Variants in ZFHX3 observed in about 807,000 individuals in gnomAD.
ZFHX3 encodes zinc finger homeobox protein 3.
In ZFHX3, 42 loss-of-function variants were observed where a neutral mutation model predicts 279.1. The ratio of observed to expected loss-of-function variants is 0.15; its 90% CI spans 0.12 to 0.19. The LOEUF (loss-of-function observed/expected upper bound fraction) is 0.19. Ranked by LOEUF, ZFHX3 falls within the 10% of genes least tolerant of loss-of-function variation. The probability of loss-of-function intolerance (pLI) is 1.00; values close to 1 mark genes in which losing one functional copy is unlikely to be tolerated. For synonymous variants in ZFHX3, 2,293 were observed against 1,957.8 expected (o/e 1.17, Z -4.52); for missense variants, 4,981 against 4,754.0 (o/e 1.05, Z -1.40).
At chr16:72,925,789 C>T (rs1354126628) in intron 3 of ZFHX3, among the ~76,000 whole-genome samples, 1 of 152,236 alleles carries the variant, frequency 6.6e-6, no homozygotes, top group Non-Finnish European at 1.5e-5. Context: ...CCCAGAGGGG[C>T]TGGAACGGGC....
intron 1 of ZFHX3, among the ~76,000 whole-genome samples, chr16:73,800,409 G>A (rs1331353660): frequency 1.3e-5 from 2 of 151,964 alleles, no homozygotes; most frequent in Non-Finnish European, 2.9e-5. Context: ...TAGAGACGGG[G>A]TTTCACCATA....
At chr16:73,184,675 C>T (rs755900575) in intron 5 of ZFHX3, among the ~76,000 whole-genome samples, 5 of 152,192 alleles carry the variant, frequency 3.3e-5, no homozygotes, top group African/African-American at 2.4e-5. Context: ...GGTCCTAGAA[C>T]ATCCTTGATT....
intron 7 of ZFHX3, among the ~76,000 whole-genome samples, chr16:73,118,094 T>C (rs1966453279): frequency 6.6e-6 from 1 of 152,170 alleles, no homozygotes; most frequent in African/African-American, 2.4e-5. Flanking sequence ...CATGTTCCCA[T>C]TGCCTTCCTC....
chr16:73,730,944 C>T (rs187630607), intron 1 of ZFHX3, among the ~76,000 whole-genome samples: 76 of 152,046 alleles, frequency 5.0e-4, no homozygotes, highest in African/African-American at 1.8e-3. Context: ...TCCATGTCTT[C>T]GAGAGGAAAG....
Position 72,787,026 on chromosome 16 carries a change from TTTTC to T in ZFHX3, c.*134_*137del, listed in dbSNP as rs1434429559. The T allele has an allele frequency of 4.9e-6, 5 of 1,023,648 alleles. No homozygotes were observed. The highest frequency in any genetic ancestry group is 3.8e-5 in the South Asian group (1 of 26,418). 63.4% of individuals were successfully genotyped at this position (1,023,648 alleles called of 1,614,324 possible). On this transcript the variant is annotated 3_prime_UTR_variant, in exon 10 of 10. Coordinates refer to ENST00000268489, the MANE Select transcript of ZFHX3 (RefSeq NM_006885.4). ...GGTATATGGGAAAACAACCCACGCT[TTTTC>T]TTTTTTTTCTTTTTTTTTTTTTTTT... is the stretch of plus-strand genomic sequence containing the variant.
chr16:73,437,822 T>A (rs2079454014), intron 3 of ZFHX3, among the ~76,000 whole-genome samples: 1 of 152,246 alleles, frequency 6.6e-6, no homozygotes, highest in South Asian at 2.1e-4. Context: ...TCTGCCCTGT[T>A]TGCAAAGTTT....
intron 1 of ZFHX3, among the ~76,000 whole-genome samples, chr16:73,037,665 AC>A (rs1444813453): frequency 6.6e-6 from 1 of 152,130 alleles, no homozygotes; most frequent in African/African-American, 2.4e-5. Flanking sequence ...AGAATGCAAC[AC>A]CCTGGCATGT....
chr16:72,797,756 G>C lies in ZFHX3; in HGVS notation c.4926C>G (p.Ser1642Arg). 1 of 1,614,142 alleles carries C rather than the reference G, an allele frequency of 6.2e-7. No individual in the cohort carries two copies. The highest frequency in any genetic ancestry group is 8.5e-7 in the Non-Finnish European group (1 of 1,180,040). ...TGGAGGAGCTCAAGGAAATACTGCTGCTGTTCCCAGTCCCATTGCTGCTGC... is the reference window on the plus strand; with the variant it reads ...TGGAGGAGCTCAAGGAAATACTGCTCCTGTTCCCAGTCCCATTGCTGCTGC... ...ASGSSNGTGN[S>R]SSISLSSSTP... Residue 1642 changes from serine (S) to arginine (R), a missense_variant, in exon 9 of 10, where the codon AGC becomes AGG. Around this residue, in one of 7 missense-constraint regions of ZFHX3, gnomAD observed 1,751 missense variants for 1,770.0 expected, o/e 0.99. Coordinates refer to ENST00000268489, the MANE Select transcript of ZFHX3 (RefSeq NM_006885.4).
intron 3 of ZFHX3, among the ~76,000 whole-genome samples, chr16:73,343,448 C>T (rs1415137928): frequency 6.6e-6 from 1 of 152,168 alleles, no homozygotes; most frequent in Non-Finnish European, 1.5e-5. Context: ...GAGGAGGCCA[C>T]ATGCGGTGGC....
At chr16:73,218,271 T>G (rs1030855547) in intron 5 of ZFHX3, among the ~76,000 whole-genome samples, 21 of 152,300 alleles carry the variant, frequency 1.4e-4, no homozygotes, top group African/African-American at 5.1e-4. Context: ...AGGTTCAGTT[T>G]GGCCTGAATG....
chr16:73,091,481 C>T (rs1338300973), intron 8 of ZFHX3, among the ~76,000 whole-genome samples: 5 of 152,158 alleles, frequency 3.3e-5, no homozygotes, highest in African/African-American at 1.2e-4. Flanking sequence ...CACTCCTGTG[C>T]TGGCGACACT....
At chr16:73,642,854 C>T (rs1423201274) in intron 2 of ZFHX3, among the ~76,000 whole-genome samples, 2 of 152,162 alleles carry the variant, frequency 1.3e-5, no homozygotes, top group Non-Finnish European at 2.9e-5. Context: ...CATCCATCAA[C>T]GGCAGACCCA....
At chr16:73,632,482 T>G (rs2052483682) in intron 2 of ZFHX3, among the ~76,000 whole-genome samples, 1 of 149,762 alleles carries the variant, frequency 6.7e-6, no homozygotes, top group Non-Finnish European at 1.5e-5. Flanking sequence ...GTCAAGAGAT[T>G]GAGACTTATC....
intron 1 of ZFHX3, among the ~76,000 whole-genome samples, chr16:73,026,233 G>A (rs2144663488): frequency 6.8e-6 from 1 of 146,472 alleles, no homozygotes; most frequent in African/African-American, 2.5e-5. Flanking sequence ...GCCAGGTGTG[G>A]TGGCAGGCGC....
chr16:73,310,873 A>G (rs2015308128), intron 4 of ZFHX3, among the ~76,000 whole-genome samples: 1 of 152,194 alleles, frequency 6.6e-6, no homozygotes. Flanking sequence ...AAAAAAAAGA[A>G]TCAAAGCTGT....
chr16:73,295,046 T>C (rs1366906832), intron 4 of ZFHX3, among the ~76,000 whole-genome samples: 1 of 151,890 alleles, frequency 6.6e-6, no homozygotes, highest in Non-Finnish European at 1.5e-5. Context: ...ACCAAGTCTT[T>C]ACTAAAAATA....
intron 3 of ZFHX3, among the ~76,000 whole-genome samples, chr16:73,335,553 T>C (rs2015896042): frequency 6.6e-6 from 1 of 152,248 alleles, no homozygotes. Context: ...GATACAACTC[T>C]GACAGCTATT....
chr16:73,099,875 T>C (rs1347406676), intron 7 of ZFHX3, among the ~76,000 whole-genome samples: 1 of 151,970 alleles, frequency 6.6e-6, no homozygotes, highest in Non-Finnish European at 1.5e-5. Flanking sequence ...TGCCTTGGAT[T>C]ATCTTGGAAT....
chr16:73,808,155 T>C (rs545884085), intron 1 of ZFHX3, among the ~76,000 whole-genome samples: 8 of 152,108 alleles, frequency 5.3e-5, no homozygotes, highest in Non-Finnish European at 1.0e-4. Flanking sequence ...GAACACTCCA[T>C]GATGAAGACT....
Sources: allele counts gnomAD v4.1 joint callset (sites outside exome capture counted in the v4.1 genomes callset), GRCh38; gene constraint gnomAD v4.1.1; regional missense constraint gnomAD v4.1.1; transcripts MANE v1.5; gene names NCBI Gene and HGNC (gene_info 2026-07-23, HGNC 2026-07-21).